SBF2: variants seen among roughly 807,000 people sequenced by gnomAD.
SBF2 encodes myotubularin-related protein 13.
A neutral mutation model predicts 225.2 loss-of-function variants in SBF2; 112 were observed. The observed-to-expected ratio is 0.50, with a 90% confidence interval of 0.43 to 0.58. The LOEUF (loss-of-function observed/expected upper bound fraction) is 0.58. SBF2 is among the 20% of genes least tolerant of loss of function. The pLI, the probability that SBF2 is intolerant of heterozygous loss-of-function variation, is 0.00. For missense variants in SBF2, 1,996 were observed against 2,206.2 expected, an observed-to-expected ratio of 0.90 and a Z score of 1.91; for synonymous variants, 763 against 773.3, an observed-to-expected ratio of 0.99 and a Z score of 0.22.
At chr11:10,018,866 T>C (rs1480711355) in intron 6 of SBF2, among the ~76,000 whole-genome samples, 1 of 152,200 alleles carries the variant, frequency 6.6e-6, no homozygotes, top group African/African-American at 2.4e-5. Context: ...ATTCTGACTA[T>C]TTCCTAAAAC....
intron 2 of SBF2, among the ~76,000 whole-genome samples, chr11:10,161,098 T>C (rs746879038): frequency 1.9e-4 from 28 of 148,732 alleles, no homozygotes; most frequent in Non-Finnish European, 3.1e-4. Context: ...GGCAGGAGAA[T>C]TGCTTGAGCC....
chr11:9,959,667 C>T, intron 16 of SBF2: 1 of 743,014 alleles, frequency 1.3e-6, no homozygotes, highest in Admixed American at 1.7e-5. Flanking sequence ...ACTTGCAGCG[C>T]AGTCTTGCTT....
chr11:9,900,109 A>G (rs144399177), intron 16 of SBF2, among the ~76,000 whole-genome samples: 2,293 of 151,690 alleles, frequency 0.015, 69 homozygotes, highest in African/African-American at 0.053. Context: ...TTCGGTATAC[A>G]GCATTTGTAA....
At chr11:10,105,394 T>C (rs1016658361) in intron 2 of SBF2, among the ~76,000 whole-genome samples, 15 of 152,334 alleles carry the variant, frequency 9.8e-5, no homozygotes, top group Admixed American at 1.3e-4. Context: ...AACATGATGA[T>C]AGAAAGAAAC....
chr11:9,801,932 T>C (rs1215596124), intron 32 of SBF2, among the ~76,000 whole-genome samples: 3 of 152,234 alleles, frequency 2.0e-5, no homozygotes, highest in Non-Finnish European at 2.9e-5. Flanking sequence ...GCTTTTTTCT[T>C]TGGGGTAGGA....
intron 2 of SBF2, among the ~76,000 whole-genome samples, chr11:10,090,389 G>A (rs1951728997): frequency 6.6e-6 from 1 of 152,128 alleles, no homozygotes; most frequent in African/African-American, 2.4e-5. Flanking sequence ...AGAGTTGACA[G>A]GTCTCACCCA....
At chr11:10,091,184 T>C (rs1246019028) in intron 2 of SBF2, among the ~76,000 whole-genome samples, 3 of 152,128 alleles carry the variant, frequency 2.0e-5, no homozygotes, top group Admixed American at 6.5e-5. Flanking sequence ...AAAAACTATA[T>C]ACAATATGAA....
chr11:9,851,571 T>C (rs1407525131), intron 21 of SBF2, among the ~76,000 whole-genome samples: 2 of 152,008 alleles, frequency 1.3e-5, no homozygotes, highest in Non-Finnish European at 2.9e-5. Flanking sequence ...AAAAAAAATC[T>C]CTCCTGAAGG....
chr11:9,925,537 A>T (rs1863967176), intron 16 of SBF2, among the ~76,000 whole-genome samples: 1 of 152,152 alleles, frequency 6.6e-6, no homozygotes, highest in Non-Finnish European at 1.5e-5. Flanking sequence ...GGGCCTCCCA[A>T]AGCGCTGGGA....
chr11:10,014,561 T>G (rs1049252790), intron 6 of SBF2, among the ~76,000 whole-genome samples: 1 of 150,604 alleles, frequency 6.6e-6, no homozygotes, highest in African/African-American at 2.4e-5. Context: ...TTTGCAATTC[T>G]CTTCCCAAAA....
chr11:10,050,161 G>A (rs2134710752), intron 2 of SBF2, among the ~76,000 whole-genome samples: 1 of 152,288 alleles, frequency 6.6e-6, no homozygotes, highest in East Asian at 1.9e-4. Context: ...AATGATGACT[G>A]CATATTTTCA....
chr11:9,919,269 T>TCTC (rs1554954353), intron 16 of SBF2, among the ~76,000 whole-genome samples: 15 of 145,162 alleles, frequency 1.0e-4, no homozygotes, highest in South Asian at 8.8e-4. Context: ...TTCTTCTTCT[T>TCTC]CTTTTTTTTT....
At chr11:10,022,278 TC>T (rs1460248094) in intron 6 of SBF2, among the ~76,000 whole-genome samples, 1 of 152,180 alleles carries the variant, frequency 6.6e-6, no homozygotes, top group Non-Finnish European at 1.5e-5. Flanking sequence ...TTCTGTAACG[TC>T]CCTGAAGATA....
chr11:10,242,242 T>C (rs936066718), intron 1 of SBF2, among the ~76,000 whole-genome samples: 8 of 152,172 alleles, frequency 5.3e-5, no homozygotes, highest in Admixed American at 5.2e-4. Flanking sequence ...AAAGGCATTA[T>C]AAGTGTATAG....
intron 2 of SBF2, among the ~76,000 whole-genome samples, chr11:10,146,253 A>G (rs536341154): frequency 6.6e-6 from 1 of 152,258 alleles, no homozygotes; most frequent in Admixed American, 6.5e-5. Context: ...AAAAAGGGCC[A>G]GAATAACCAA....
At chr11:10,073,572 CT>C (rs1156806576) in intron 2 of SBF2, among the ~76,000 whole-genome samples, 2 of 151,828 alleles carry the variant, frequency 1.3e-5, no homozygotes, top group Admixed American at 6.6e-5. Context: ...CAAAAACTAG[CT>C]GGGTGTGGTG....
chr11:9,780,839 C>G (rs1851957736), intron 39 of SBF2: 1 of 365,604 alleles, frequency 2.7e-6, no homozygotes, highest in Non-Finnish European at 5.3e-6. Context: ...TGCACTGCAC[C>G]AATGCACTGA....
intron 13 of SBF2, among the ~76,000 whole-genome samples, chr11:9,973,883 A>G (rs1186046655): frequency 3.3e-5 from 5 of 152,258 alleles, no homozygotes; most frequent in Non-Finnish European, 7.3e-5. Flanking sequence ...ACAAATCAAT[A>G]TGATATTGTT....
intron 1 of SBF2, among the ~76,000 whole-genome samples, chr11:10,292,929 T>C (rs1448159997): frequency 1.3e-5 from 2 of 151,952 alleles, no homozygotes; most frequent in Admixed American, 6.6e-5. Context: ...AGGTTCCCAC[T>C]AAAGGAGAGG....
Sources: allele counts gnomAD v4.1 joint callset (sites outside exome capture counted in the v4.1 genomes callset), GRCh38; gene constraint gnomAD v4.1.1; transcripts MANE v1.5; gene names NCBI Gene and HGNC (gene_info 2026-07-23, HGNC 2026-07-21).